The following PTPRG variants were observed in gnomAD, a reference collection of about 807,000 sequenced individuals.
The protein encoded by PTPRG is protein tyrosine phosphatase receptor type G.
In PTPRG, 102 loss-of-function variants were observed where a neutral mutation model predicts 165.3. That is an observed-to-expected ratio of 0.62 (90% CI 0.53 to 0.73). The LOEUF (loss-of-function observed/expected upper bound fraction) is 0.73. Ranked by LOEUF, PTPRG falls within the 30% of genes least tolerant of loss-of-function variation. The pLI, the probability that PTPRG is intolerant of heterozygous loss-of-function variation, is 0.00. For synonymous variants in PTPRG, 675 were observed against 669.5 expected (o/e 1.01, Z -0.13); for missense variants, 1,866 against 1,861.4 (o/e 1.00, Z -0.05).
intron 1 of PTPRG, among the ~76,000 whole-genome samples, chr3:61,570,490 G>T (rs767723137): frequency 6.6e-6 from 1 of 152,162 alleles, no homozygotes. Flanking sequence ...CTGTGATACT[G>T]TCTTTCTAAG....
At chr3:61,995,090 T>TC in intron 3 of PTPRG, among the ~76,000 whole-genome samples, 1 of 60,758 alleles carries the variant, frequency 1.6e-5, no homozygotes, top group East Asian at 3.3e-4. Flanking sequence ...CTTTCTTTTT[T>TC]TTTTTTTTTT....
chr3:61,834,763 A>C, intron 2 of PTPRG, among the ~76,000 whole-genome samples: 1 of 152,156 alleles, frequency 6.6e-6, no homozygotes, highest in African/African-American at 2.4e-5. Context: ...CAGTGAGCTG[A>C]GATCGTGCCA....
intron 6 of PTPRG, among the ~76,000 whole-genome samples, chr3:62,149,514 C>T (rs1445508311): frequency 6.6e-6 from 1 of 152,168 alleles, no homozygotes; most frequent in Non-Finnish European, 1.5e-5. Flanking sequence ...GTGACCCACC[C>T]ACCTTGGCCT....
At chr3:61,625,662 C>T (rs141208592) in intron 1 of PTPRG, among the ~76,000 whole-genome samples, 254 of 152,186 alleles carry the variant, frequency 1.7e-3, no homozygotes, top group Middle Eastern at 3.4e-3. Context: ...TTGCTGCTCT[C>T]GATGAATTTA....
intron 1 of PTPRG, among the ~76,000 whole-genome samples, chr3:61,670,007 G>A (rs1174678355): frequency 6.6e-6 from 1 of 152,178 alleles, no homozygotes; most frequent in Admixed American, 6.5e-5. Flanking sequence ...TGGCTCACTA[G>A]CTGTTTGACA....
At position 61,995,874 on chromosome 3, in the gene PTPRG, G is replaced by T. The variant is rs540975581; in HGVS notation, c.370+6070G>T. 5.2e-4 allele frequency among the ~76,000 whole-genome samples: 79 copies of T among 151,792 alleles called. 3 individuals are homozygous for T. The South Asian group carries it at 0.015, about 30-fold the overall frequency. The stretch of plus-strand genomic sequence containing the variant: ...AACCTCTGACTATTCTTTGTATTCT[G>T]TTGGACTCGATATGTCTTTCTCTAC... On this transcript the variant is annotated intron_variant, in intron 3 of 29. Transcript: ENST00000474889.
At chr3:61,713,162 A>ATTT (rs1225788176) in intron 1 of PTPRG, among the ~76,000 whole-genome samples, 2 of 144,018 alleles carry the variant, frequency 1.4e-5, no homozygotes, top group African/African-American at 5.0e-5. Context: ...AACATCAAAT[A>ATTT]TGTTTTTTTT....
intron 2 of PTPRG, among the ~76,000 whole-genome samples, chr3:61,797,496 G>A (rs657813): frequency 0.63 from 96,013 of 151,484 alleles, 31,517 homozygotes; most frequent in African/African-American, 0.81. Context: ...TATGTGAAAG[G>A]AAGGCTCACA....
chr3:61,711,317 T>G (rs1181801298), intron 1 of PTPRG, among the ~76,000 whole-genome samples: 1 of 152,246 alleles, frequency 6.6e-6, no homozygotes, highest in Non-Finnish European at 1.5e-5. Flanking sequence ...AGATGGTATT[T>G]CTGGTTCTAG....
At chr3:62,025,000 A>C (rs540364465) in intron 4 of PTPRG, among the ~76,000 whole-genome samples, 1 of 152,326 alleles carries the variant, frequency 6.6e-6, no homozygotes, top group East Asian at 1.9e-4. Context: ...GTTTGTTGGC[A>C]TAAAAGTTAT....
At chr3:61,804,663 T>C (rs2107184626) in intron 2 of PTPRG, among the ~76,000 whole-genome samples, 2 of 149,856 alleles carry the variant, frequency 1.3e-5, no homozygotes, top group Middle Eastern at 3.4e-3. Context: ...TTTCTTTTCC[T>C]GTGTCTTTCT....
chr3:62,157,220 A>C lies in PTPRG; in HGVS notation c.836A>C (p.His279Pro), dbSNP rs1219838950. Residue 279 changes from histidine (H) to proline (P), a missense_variant, in exon 7 of 30, where the codon CAT (histidine) becomes CCT (proline). By Grantham distance (77) the His-to-Pro change is moderately conservative. This residue lies in a region of PTPRG where 408 missense variants were observed against 376.2 expected (regional missense o/e 1.08). Transcript: ENST00000474889. ...VFRRPVPISY[H>P]QLEAFYSIFT... is the part of the protein sequence containing the mutation. ...CGGAGACCCGTCCCCATCTCTTACCATCAGGTAGATATTCTTCCTCAAGTG... is the reference window on the plus strand; with the variant it reads ...CGGAGACCCGTCCCCATCTCTTACCCTCAGGTAGATATTCTTCCTCAAGTG... 1 of 1,613,004 alleles carries C rather than the reference A, an allele frequency of 6.2e-7. No homozygotes were observed. The highest frequency in any genetic ancestry group is 1.3e-5 in the African/African-American group (1 of 74,852).
At chr3:61,675,945 G>C in intron 1 of PTPRG, among the ~76,000 whole-genome samples, 1 of 152,162 alleles carries the variant, frequency 6.6e-6, no homozygotes, top group East Asian at 1.9e-4. Context: ...AATTGAACCA[G>C]TATCCTATTG....
Position 62,271,629 on chromosome 3 carries a change from A to G in PTPRG, c.3182+74A>G, listed in dbSNP as rs1219257321. 2 of 1,358,828 alleles carry G rather than the reference A, an allele frequency of 1.5e-6. No homozygotes were observed. The highest frequency in any genetic ancestry group is 2.4e-5 in the East Asian group (1 of 42,050). The allele number at this position is 1,358,828 out of a possible 1,614,324, so 84.2% of individuals were successfully genotyped here. ...GCCTCAGTGACCTTGGACCACAATG[A>G]TTGCTACTGCTTTCACTTAGAAGCT... is the stretch of plus-strand genomic sequence containing the variant. On this transcript the variant is annotated intron_variant, in intron 21 of 29. Coordinates refer to ENST00000474889, the MANE Select transcript of PTPRG (RefSeq NM_002841.4). This position sits in a 1 kb window ranked among gnomAD's most constrained non-coding sequence, Gnocchi z 4.1.
chr3:62,264,686 C>T (rs1160788834), intron 17 of PTPRG, among the ~76,000 whole-genome samples: 1 of 152,124 alleles, frequency 6.6e-6, no homozygotes, highest in South Asian at 2.1e-4. Context: ...TTTGTCTATT[C>T]ATTCATCATT....
At chr3:62,036,369 C>A (rs1379546274) in intron 4 of PTPRG, among the ~76,000 whole-genome samples, 1 of 152,196 alleles carries the variant, frequency 6.6e-6, no homozygotes, top group Non-Finnish European at 1.5e-5. Flanking sequence ...AAAATGCATT[C>A]CTCTTTTTCT....
chr3:62,014,863 C>G (rs1037956993), intron 4 of PTPRG, among the ~76,000 whole-genome samples: 1 of 152,234 alleles, frequency 6.6e-6, no homozygotes, highest in Non-Finnish European at 1.5e-5. Flanking sequence ...CTGGATTCAT[C>G]TTATTCTATC....
At chr3:61,737,237 T>C (rs996514713) in intron 1 of PTPRG, among the ~76,000 whole-genome samples, 5 of 152,208 alleles carry the variant, frequency 3.3e-5, no homozygotes, top group Admixed American at 2.6e-4. Context: ...TCTCTGTGGC[T>C]GTATCATGTG....
At chr3:62,143,476 A>G (rs1351810274) in intron 6 of PTPRG, among the ~76,000 whole-genome samples, 2 of 151,718 alleles carry the variant, frequency 1.3e-5, no homozygotes, top group Non-Finnish European at 2.9e-5. Context: ...CCTTCCATCA[A>G]CTGACTGCCT....
Sources: gnomAD v4.1 joint callset for allele counts (sites outside exome capture counted in the v4.1 genomes callset) on GRCh38, gnomAD v4.1.1 for gene constraint, gnomAD v4.1.1 regional missense constraint, Gnocchi (gnomAD v3.1) non-coding constraint, MANE v1.5 for transcripts, NCBI Gene and HGNC (gene_info 2026-07-23, HGNC 2026-07-21) for gene names.